The following NRG1 variants were observed in gnomAD, a reference collection of about 807,000 sequenced individuals.
The protein encoded by NRG1 is neuregulin 1, also known as pro-neuregulin-1, membrane-bound isoform.
In NRG1, 18 loss-of-function variants were observed where a neutral mutation model predicts 63.8. That is an observed-to-expected ratio of 0.28 (90% CI 0.19 to 0.42). The LOEUF is 0.42. Ranked by LOEUF, NRG1 falls within the 10% of genes least tolerant of loss-of-function variation. The pLI, the probability that NRG1 is intolerant of heterozygous loss-of-function variation, is 1.00. For synonymous variants in NRG1, 302 were observed against 301.3 expected (o/e 1.00, Z -0.02); for missense variants, 762 against 814.7 (o/e 0.94, Z 0.79).
intron 1 of NRG1, among the ~76,000 whole-genome samples, chr8:31,712,255 CTT>C (rs57363109): frequency 1.4e-3 from 101 of 72,300 alleles, no homozygotes; most frequent in African/African-American, 5.7e-3. Context: ...TCTTCATGAT[CTT>C]TTTTTTTTTT....
At chr8:32,347,529 C>T (rs1315129439) in intron 1 of NRG1, among the ~76,000 whole-genome samples, 4 of 152,194 alleles carry the variant, frequency 2.6e-5, no homozygotes, top group South Asian at 2.1e-4. Context: ...TCTAGGTTAA[C>T]ACCTCATATA....
At chr8:31,689,430 T>C (rs1399692844) in intron 1 of NRG1, among the ~76,000 whole-genome samples, 1 of 152,210 alleles carries the variant, frequency 6.6e-6, no homozygotes, top group Non-Finnish European at 1.5e-5. Flanking sequence ...CTTTAATTTC[T>C]ATAGTATTTA....
chr8:31,836,861 T>G (rs922482187), intron 1 of NRG1, among the ~76,000 whole-genome samples: 5 of 152,092 alleles, frequency 3.3e-5, no homozygotes, highest in Admixed American at 3.3e-4. Context: ...TATTATAAAT[T>G]GCTCTCCATA....
intron 5 of NRG1, among the ~76,000 whole-genome samples, chr8:32,693,214 CTTTTTTT>C (rs34318329): frequency 1.4e-5 from 2 of 138,622 alleles, no homozygotes; most frequent in Non-Finnish European, 3.1e-5. Flanking sequence ...ATGGGTCACT[CTTTTTTT>C]TTTTTTTTTT....
chr8:31,945,061 G>A (rs1444290018), intron 1 of NRG1, among the ~76,000 whole-genome samples: 2 of 152,074 alleles, frequency 1.3e-5, no homozygotes, highest in African/African-American at 2.4e-5. Flanking sequence ...AGAGACAGAG[G>A]GATGGATTAC....
chr8:31,984,415 G>A (rs182863479), intron 1 of NRG1, among the ~76,000 whole-genome samples: 65 of 152,070 alleles, frequency 4.3e-4, no homozygotes, highest in Admixed American at 1.2e-3. Flanking sequence ...TTGGAATTTC[G>A]AAATGCTGGC....
chr8:31,740,856 A>G (rs1174136107), intron 1 of NRG1, among the ~76,000 whole-genome samples: 1 of 152,002 alleles, frequency 6.6e-6, no homozygotes, highest in Non-Finnish European at 1.5e-5. Context: ...CGACTCAGCA[A>G]TCCCATAATG....
chr8:32,597,118 A>G (rs529538080), intron 2 of NRG1, among the ~76,000 whole-genome samples: 32 of 152,290 alleles, frequency 2.1e-4, no homozygotes, highest in Non-Finnish European at 4.1e-4. Context: ...AGAGTCCTTT[A>G]ATCAACGTGA....
At chr8:31,939,801 A>G (rs1048621101) in intron 1 of NRG1, among the ~76,000 whole-genome samples, 6 of 152,202 alleles carry the variant, frequency 3.9e-5, no homozygotes, top group African/African-American at 1.4e-4. Context: ...TTACAGCAAC[A>G]GCAGTTTAAA....
chr8:32,342,538 G>C (rs540415383), intron 1 of NRG1, among the ~76,000 whole-genome samples: 5 of 152,094 alleles, frequency 3.3e-5, no homozygotes, highest in Non-Finnish European at 7.4e-5. Flanking sequence ...AGCTGATAAG[G>C]GATAGAGCCA....
chr8:32,011,100 T>C (rs896722459), intron 1 of NRG1, among the ~76,000 whole-genome samples: 1 of 152,102 alleles, frequency 6.6e-6, no homozygotes, highest in African/African-American at 2.4e-5. Context: ...GCAGACACAT[T>C]ACACATAAAC....
chr8:31,961,635 A>G (rs976713020), intron 1 of NRG1, among the ~76,000 whole-genome samples: 2 of 152,286 alleles, frequency 1.3e-5, no homozygotes, highest in South Asian at 2.1e-4. Flanking sequence ...GCTAGGCTTA[A>G]TAAAAGGGTC....
intron 5 of NRG1, among the ~76,000 whole-genome samples, chr8:32,681,612 C>G (rs1031019176): frequency 1.3e-5 from 2 of 152,058 alleles, no homozygotes; most frequent in South Asian, 2.1e-4. Context: ...AATAATTAAA[C>G]CAAACAAAAC....
intron 1 of NRG1, chr8:32,442,818 T>A (rs949340634): frequency 6.6e-6 from 1 of 152,208 alleles, no homozygotes; most frequent in Non-Finnish European, 1.5e-5. Flanking sequence ...CTAATCAAGG[T>A]AGGTGGTGGA....
intron 1 of NRG1, among the ~76,000 whole-genome samples, chr8:31,682,481 A>G (rs1239936621): frequency 1.3e-5 from 2 of 152,174 alleles, no homozygotes; most frequent in Non-Finnish European, 2.9e-5. Flanking sequence ...ATAAAGTGAC[A>G]TAAAACTATA....
At chr8:31,827,019 G>A (rs1200129459) in intron 1 of NRG1, among the ~76,000 whole-genome samples, 1 of 152,130 alleles carries the variant, frequency 6.6e-6, no homozygotes, top group Non-Finnish European at 1.5e-5. Flanking sequence ...TTAAAACTAG[G>A]AAAAACTGAG....
chr8:31,917,413 T>G (rs2129618053), intron 1 of NRG1, among the ~76,000 whole-genome samples: 1 of 150,656 alleles, frequency 6.6e-6, no homozygotes, highest in African/African-American at 2.4e-5. Context: ...CAGTTTCAGC[T>G]TTCTCCATAT....
At chr8:32,441,311 C>A (rs1587673694) in intron 1 of NRG1, 4 of 152,214 alleles carry the variant, frequency 2.6e-5, no homozygotes, top group Admixed American at 1.3e-4. Context: ...TGGTAGCAAC[C>A]ATCCAAGCTG....
At chr8:32,321,937 C>T (rs1424320597) in intron 1 of NRG1, among the ~76,000 whole-genome samples, 1 of 151,936 alleles carries the variant, frequency 6.6e-6, no homozygotes, top group East Asian at 1.9e-4. Context: ...TTAACTAGAG[C>T]TTTATTCCAG....
Sources: gnomAD v4.1 joint callset for allele counts (sites outside exome capture counted in the v4.1 genomes callset) on GRCh38, gnomAD v4.1.1 for gene constraint, MANE v1.5 for transcripts, NCBI Gene and HGNC (gene_info 2026-07-23, HGNC 2026-07-21) for gene names.